The following SPMIP8 variants were observed in gnomAD, a reference collection of about 807,000 sequenced individuals.
SPMIP8 encodes testicular tissue protein Li 196.
the SPMIP8 span, chr16:57,985,598 G>T: frequency 6.5e-7 from 1 of 1,528,466 alleles, no homozygotes; most frequent in South Asian, 1.3e-5. Context: ...GGGAGGATGA[G>T]GTCTGGGCCG....
the SPMIP8 span, among the ~76,000 whole-genome samples, chr16:57,983,941 T>C: frequency 6.6e-6 from 1 of 150,634 alleles, no homozygotes; most frequent in Non-Finnish European, 1.5e-5. Flanking sequence ...GACACGATCT[T>C]GCTCTGTCAC....
chr16:57,983,694 C>T, the SPMIP8 span, among the ~76,000 whole-genome samples: 24 of 152,274 alleles, frequency 1.6e-4, no homozygotes, highest in African/African-American at 5.5e-4. Context: ...TCACTGCAAC[C>T]TCCACCTCCT....
At chr16:57,978,071 G>T in the SPMIP8 span, 2 of 1,591,138 alleles carry the variant, frequency 1.3e-6, no homozygotes, top group Admixed American at 1.7e-5. Context: ...CCCCTTTGGG[G>T]AAGGGGCAGA....
the SPMIP8 span, among the ~76,000 whole-genome samples, chr16:57,982,147 G>A: frequency 6.6e-6 from 1 of 152,068 alleles, no homozygotes; most frequent in Admixed American, 6.6e-5. Context: ...ACACCCTTTA[G>A]CAAGCAGCTC....
the SPMIP8 span, chr16:57,984,948 C>T: frequency 7.1e-6 from 9 of 1,270,050 alleles, no homozygotes; most frequent in Admixed American, 1.7e-4. Flanking sequence ...AGCTGTGGCA[C>T]TTGCGGTGGG....
the SPMIP8 span, chr16:57,978,024 A>C: frequency 6.2e-7 from 1 of 1,613,720 alleles, no homozygotes; most frequent in Non-Finnish European, 8.5e-7. Flanking sequence ...CCAGTCCACC[A>C]CCTACTGCCG....
the SPMIP8 span, chr16:57,985,255 C>G: frequency 1.1e-5 from 17 of 1,559,812 alleles, no homozygotes; most frequent in African/African-American, 2.3e-4. Context: ...CCGACGTGAC[C>G]CAGACCTGGC....
chr16:57,987,365 A>C, the SPMIP8 span: 2 of 1,513,396 alleles, frequency 1.3e-6, no homozygotes, highest in Non-Finnish European at 1.8e-6. Flanking sequence ...CACCCTGGAA[A>C]CCCCCACCTC....
chr16:57,976,748 G>A, the SPMIP8 span: 19 of 1,247,526 alleles, frequency 1.5e-5, no homozygotes, highest in African/African-American at 3.0e-5. Context: ...TTGTCACCAT[G>A]CCCCCTCCCT....
the SPMIP8 span, chr16:57,977,782 A>G: frequency 1.3e-6 from 2 of 1,594,428 alleles, no homozygotes; most frequent in East Asian, 4.5e-5. Flanking sequence ...GCATGAGCCC[A>G]GGGTGAGCCC....
the SPMIP8 span, among the ~76,000 whole-genome samples, chr16:57,981,389 A>AATTATTATTATTATTATAATT: frequency 7.5e-6 from 1 of 132,912 alleles, no homozygotes; most frequent in Non-Finnish European, 1.6e-5. Flanking sequence ...CAATAATAAT[A>AATTATTATTATTATTATAATT]ATAATTATTA....
chr16:57,977,549 G>T, the SPMIP8 span, among the ~76,000 whole-genome samples: 7 of 146,384 alleles, frequency 4.8e-5, no homozygotes, highest in Admixed American at 4.8e-4. Flanking sequence ...TCACAGCCAT[G>T]GCACAATGTG....
At chr16:57,985,149 C>G in the SPMIP8 span, 2 of 1,319,560 alleles carry the variant, frequency 1.5e-6, no homozygotes, top group South Asian at 3.2e-5. Context: ...GATGAGGAGG[C>G]GGGGCTTGTC....
At chr16:57,987,083 G>A in the SPMIP8 span, 5 of 324,698 alleles carry the variant, frequency 1.5e-5, no homozygotes, top group Middle Eastern at 8.0e-4. Context: ...TCTCCCACAC[G>A]GGGAAACGTT....
At chr16:57,984,721 A>C in the SPMIP8 span, 2 of 1,602,240 alleles carry the variant, frequency 1.2e-6, no homozygotes, top group East Asian at 2.2e-5. Flanking sequence ...AACCGAGTGG[A>C]CTGGCCCTGC....
the SPMIP8 span, chr16:57,985,167 G>GTA: frequency 2.0e-6 from 3 of 1,474,474 alleles, no homozygotes; most frequent in Non-Finnish European, 2.7e-6. Flanking sequence ...GTCCTGGGGG[G>GTA]GGGCGGATGA....
the SPMIP8 span, among the ~76,000 whole-genome samples, chr16:57,983,062 A>G: frequency 6.6e-6 from 1 of 152,190 alleles, no homozygotes; most frequent in Non-Finnish European, 1.5e-5. Flanking sequence ...AAATGGTAGC[A>G]TATTGTATAT....
the SPMIP8 span, among the ~76,000 whole-genome samples, chr16:57,983,876 G>C: frequency 1.3e-5 from 2 of 152,132 alleles, no homozygotes; most frequent in Non-Finnish European, 1.5e-5. Context: ...GCCTCCCAAA[G>C]TGCTGGGATT....
At chr16:57,984,531 T>C in the SPMIP8 span, 1 of 1,503,186 alleles carries the variant, frequency 6.7e-7, no homozygotes, top group Non-Finnish European at 8.9e-7. Flanking sequence ...CTCGGTCCAA[T>C]GCACCGGGCC....
Sources: gnomAD v4.1 joint callset for allele counts (sites outside exome capture counted in the v4.1 genomes callset) on GRCh38, gnomAD v4.1.1 for gene constraint, MANE v1.5 for transcripts, NCBI Gene and HGNC (gene_info 2026-07-23, HGNC 2026-07-21) for gene names.